The following SAMD9 variants were observed in gnomAD, a reference collection of about 807,000 sequenced individuals.
SAMD9 encodes the protein sterile alpha motif domain-containing protein 9.
A neutral mutation model predicts 1.5 loss-of-function variants in SAMD9; 3 were observed. The observed-to-expected ratio is 2.05, with a 90% CI of 0.93 to 5.29. The LOEUF (loss-of-function observed/expected upper bound fraction) is 5.29. SAMD9 is among the 30% of genes most tolerant of loss of function. SAMD9 has a pLI of 0.02. For missense variants in SAMD9, 1,597 were observed against 1,820.8 expected, an observed-to-expected ratio of 0.88 and a Z score of 2.24; for synonymous variants, 635 against 631.9, an observed-to-expected ratio of 1.00 and a Z score of -0.07.
rs1251931171 is a variant in SAMD9, at chr7:93,104,336, C to G, written c.1762G>C (p.Asp588His). The stretch of plus-strand genomic sequence containing the variant: ...TTTATTAATCTTGCTTCAAGTAGAT[C>G]TTTCCATCCCTGAAATATGTGTGGG... ...VHPHIFQGWK[D>H]LLEARLIKHQ... is the part of the protein sequence containing the mutation. Residue 588 changes from aspartate (D) to histidine (H), a missense_variant, in exon 3 of 3, where the codon GAT becomes CAT. Around this residue, in one of 6 missense-constraint regions of SAMD9, gnomAD observed 358 missense variants for 460.4 expected, o/e 0.78. Coordinates refer to ENST00000379958, the MANE Select transcript of SAMD9 (RefSeq NM_017654.4). The G allele has an allele frequency of 6.2e-7, 1 of 1,613,740 alleles. No individual in the cohort carries two copies. The highest frequency in any genetic ancestry group is 8.5e-7 in the Non-Finnish European group (1 of 1,179,786).
At chr7:93,110,487 G>T (rs1464028116) in intron 2 of SAMD9, among the ~76,000 whole-genome samples, 4 of 152,174 alleles carry the variant, frequency 2.6e-5, no homozygotes. Context: ...TGGGCTAAAT[G>T]CTCCAATTAA....
chr7:93,109,839 C>A (rs1035522650), intron 2 of SAMD9, among the ~76,000 whole-genome samples: 1 of 152,134 alleles, frequency 6.6e-6, no homozygotes. Flanking sequence ...GATTTGTGTA[C>A]CTGAAAGTGA....
chr7:93,107,287 C>A (rs1240053222), intron 2 of SAMD9, among the ~76,000 whole-genome samples: 1 of 152,132 alleles, frequency 6.6e-6, no homozygotes, highest in Non-Finnish European at 1.5e-5. Flanking sequence ...TGTTCCATGT[C>A]ATCTGGAATA....
intron 2 of SAMD9, among the ~76,000 whole-genome samples, chr7:93,109,203 C>T (rs867419518): frequency 5.9e-5 from 9 of 152,120 alleles, no homozygotes; most frequent in African/African-American, 1.9e-4. Flanking sequence ...TGGAGTGGAC[C>T]TCCAGCAAAC....
Position 93,114,793 on chromosome 7 carries a change from A to G in SAMD9, c.-9+2T>C, listed in dbSNP as rs1311158691. 2 of 152,252 alleles carry G rather than the reference A, an allele frequency of 1.3e-5. No individual in the cohort carries two copies. The highest frequency in any genetic ancestry group is 2.9e-5 in the Non-Finnish European group (2 of 68,044). The allele number at this position is 152,252 out of a possible 1,614,324, so 9.4% of individuals were successfully genotyped here. A position where few individuals can be genotyped will look rare whatever the true frequency, so the allele number is the denominator to read the frequency against. On this transcript the variant is annotated splice_donor_variant, in intron 2 of 2. Transcript: ENST00000379958. LOFTEE classifies it low-confidence loss of function (5UTR_SPLICE). The stretch of plus-strand genomic sequence containing the variant: ...AGCAAATTCTTAAAAAATATAGCTT[A>G]CCAAACTGACTCTAGAAGAAACCGA...
intron 1 of SAMD9, among the ~76,000 whole-genome samples, chr7:93,115,440 G>C (rs1791817902): frequency 6.6e-6 from 1 of 152,166 alleles, no homozygotes; most frequent in Non-Finnish European, 1.5e-5. Flanking sequence ...AAAGAAGCCA[G>C]TTACAACAGA....
At position 93,105,448 on chromosome 7, in the gene SAMD9, T is replaced by C; in HGVS notation, c.650A>G (p.Asn217Ser). The C allele has an allele frequency of 6.2e-7, 1 of 1,614,054 alleles. No individual in the cohort carries two copies. Among genetic ancestry groups the C allele is most frequent in the South Asian group, 1.1e-5 (1 of 91,078 alleles). Residue 217 changes from asparagine (N) to serine (S), a missense_variant, in exon 3 of 3, where the codon AAT (asparagine) becomes AGT (serine). This residue lies in a region of SAMD9 where 498 missense variants were observed against 457.4 expected (regional missense o/e 1.09). Transcript: ENST00000379958. ...AGCTGAAGCAAATCGGAAAACCTCATTGCTAAATTTCATCTTGACATCCTC... is the reference window on the plus strand; with the variant it reads ...AGCTGAAGCAAATCGGAAAACCTCACTGCTAAATTTCATCTTGACATCCTC... ...TEEDVKMKFS[N>S]EVFRFASACM...
chr7:93,101,982 G>A lies in SAMD9; in HGVS notation c.4116C>T (p.Leu1372=), dbSNP rs760067269. The A allele has an allele frequency of 4.3e-6, 7 of 1,613,628 alleles. No homozygotes were observed. The East Asian group carries it at 1.6e-4, about 36-fold the overall frequency. ...GGATTTTGACAGTGCATTGTTCTAA[G>A]AGAAAAGTATATTCGTTCACTATAC... is the stretch of plus-strand genomic sequence containing the variant. ...MKCIVNEYTF[L]LEQCTVKIQS... is the part of the protein sequence containing the mutation. Residue 1372 remains leucine (L), a synonymous_variant, in exon 3 of 3, where the codon CTC becomes CTT. Coordinates refer to ENST00000379958, the MANE Select transcript of SAMD9 (RefSeq NM_017654.4).
rs1791505776 is a variant in SAMD9, at chr7:93,100,287, T to G, written c.*1041A>C. 1 of 152,176 alleles carries G rather than the reference T, an allele frequency of 6.6e-6. No individual in the cohort carries two copies. Among genetic ancestry groups the G allele is most frequent in the Admixed American group, 6.5e-5 (1 of 15,278 alleles). The allele number at this position is 152,176 out of a possible 1,614,324, so 9.4% of individuals were successfully genotyped here. The stretch of plus-strand genomic sequence containing the variant: ...GAGACCTGATCAAATTCAGGTTTAA[T>G]TATTTGGCAAGACCATGTCACGGGT... On this transcript the variant is annotated 3_prime_UTR_variant, in exon 3 of 3. Coordinates refer to ENST00000379958, the MANE Select transcript of SAMD9 (RefSeq NM_017654.4).
At chr7:93,110,944 C>G (rs979480425) in intron 2 of SAMD9, among the ~76,000 whole-genome samples, 26 of 152,332 alleles carry the variant, frequency 1.7e-4, no homozygotes, top group Admixed American at 1.4e-3. Flanking sequence ...CTCAGCTCTG[C>G]ACCAAGTGGA....
Position 93,104,468 on chromosome 7 carries a change from G to C in SAMD9, c.1630C>G (p.Leu544Val). 2 of 1,613,980 alleles carry C rather than the reference G, an allele frequency of 1.2e-6. No individual in the cohort carries two copies. The highest frequency in any genetic ancestry group is 1.1e-5 in the South Asian group (1 of 91,082). ...MPRGKFLVVF[L>V]LLSSVDDPRD... ...GGGTCATCCACAGAGGACAGTAATA[G>C]AAATACCACCAAAAACTTCCCTCTT... The change falls in exon 3 of 3, where the codon CTA becomes GTA. Residue 544 changes from leucine (L) to valine (V), a missense_variant. By Grantham distance (32) the Leu-to-Val change is conservative (BLOSUM62 1). This residue lies in a region of SAMD9 where 358 missense variants were observed against 460.4 expected (regional missense o/e 0.78). Transcript: ENST00000379958.
chr7:93,101,745 T>C lies in SAMD9; in HGVS notation c.4353A>G (p.Glu1451=). The C allele has an allele frequency of 6.2e-7, 1 of 1,613,914 alleles. No homozygotes were observed. The highest frequency in any genetic ancestry group is 8.5e-7 in the Non-Finnish European group (1 of 1,179,808). Residue 1451 remains glutamate, a synonymous_variant, in exon 3 of 3, where the codon GAA becomes GAG. Transcript: ENST00000379958. Reference sequence around the variant, plus strand: ...GTGCTTGAGCATACTCTTTCATTTGTTCAGAATGTTGATCTAGTTGTTGAT... The same window carrying C: ...GTGCTTGAGCATACTCTTTCATTTGCTCAGAATGTTGATCTAGTTGTTGAT... ...PENQQLDQHS[E]QMKEYAQALK... is the part of the protein sequence containing the mutation.
Position 93,104,939 on chromosome 7 carries a change from T to G in SAMD9, c.1159A>C (p.Lys387Gln). ...EEKFRAKTNK[K>Q]EREGPKLVKL... ...ACCAACTTTGGTCCCTCTCTTTCTT[T>G]TTTATTTGTTTTTGCTCTGAATTTT... The change falls in exon 3 of 3, where the codon AAA (lysine) becomes CAA (glutamine). Residue 387 changes from lysine (K) to glutamine (Q), a missense_variant. By Grantham distance (53) the Lys-to-Gln change is moderately conservative. This residue lies in a region of SAMD9 where 498 missense variants were observed against 457.4 expected (regional missense o/e 1.09). Coordinates refer to ENST00000379958, the MANE Select transcript of SAMD9 (RefSeq NM_017654.4). 1 of 1,610,742 alleles carries G rather than the reference T, an allele frequency of 6.2e-7. No homozygotes were observed. The highest frequency in any genetic ancestry group is 8.5e-7 in the Non-Finnish European group (1 of 1,179,018).
chr7:93,104,422 G>T lies in SAMD9; in HGVS notation c.1676C>A (p.Thr559Asn). The change falls in exon 3 of 3, where the codon ACT becomes AAT. Residue 559 changes from threonine to asparagine, a missense_variant. By Grantham distance (65) the Thr-to-Asn change is moderately conservative (BLOSUM62 0). Transcript: ENST00000379958. ...GAGATCCTGGTAGAAAGCACAGAAA[G>T]TCTCAATGAGGGGATCTCTTGGGTC... ...VDDPRDPLIE[T>N]FCAFYQDLKG... 6.2e-7 allele frequency: 1 copy of T among 1,613,936 alleles called. No homozygotes were observed. The highest frequency in any genetic ancestry group is 2.2e-5 in the East Asian group (1 of 44,868).
rs1426492394 is a variant in SAMD9, at chr7:93,103,207, G to C, written c.2891C>G (p.Ser964Cys). ...EKFEDKMGTY[S>C]TILIKTEVIE... ...GACCTCTGTTTTTATCAGAATTGTA[G>C]AGTAGGTGCCCATCTTGTCTTCAAA... The change falls in exon 3 of 3, where the codon TCT becomes TGT. Residue 964 changes from serine (S) to cysteine (C), a missense_variant. Ser to Cys is a moderately radical substitution (Grantham distance 112, BLOSUM62 -1). Transcript: ENST00000379958. 6.2e-7 allele frequency: 1 copy of C among 1,613,656 alleles called. No homozygotes were observed. Among genetic ancestry groups the C allele is most frequent in the Middle Eastern group, 1.6e-4 (1 of 6,084 alleles).
chr7:93,104,608 C>T lies in SAMD9; in HGVS notation c.1490G>A (p.Arg497Lys), dbSNP rs1199630602. 6.2e-7 allele frequency: 1 copy of T among 1,614,036 alleles called. No homozygotes were observed. The highest frequency in any genetic ancestry group is 1.7e-5 in the Admixed American group (1 of 60,026). ...HQPSWIFCNG[R>K]LDLDSEKYKP... ...ATATTTTTCACTGTCAAGGTCTAAC[C>T]TGCCATTGCAGAAAATCCAGCTGGG... Residue 497 changes from arginine (R) to lysine (K), a missense_variant, in exon 3 of 3, where the codon AGG becomes AAG. Coordinates refer to ENST00000379958, the MANE Select transcript of SAMD9 (RefSeq NM_017654.4).
At chr7:93,111,507 A>G (rs1326387992) in intron 2 of SAMD9, among the ~76,000 whole-genome samples, 1 of 152,204 alleles carries the variant, frequency 6.6e-6, no homozygotes, top group African/African-American at 2.4e-5. Flanking sequence ...AAAAAAATCA[A>G]TGAATCCAGG....
rs747139029 is a variant in SAMD9 at position 93,103,084 on chromosome 7, C to G, written c.3014G>C (p.Ser1005Thr). The G allele has an allele frequency of 9.9e-6, 16 of 1,613,818 alleles. No homozygotes were observed. Among genetic ancestry groups the G allele is most frequent in the Non-Finnish European group, 1.4e-5 (16 of 1,179,764 alleles). Reference protein sequence around the residue: ...ELKKSYHLNKSQIMLDMLTEN... With the variant: ...ELKKSYHLNKTQIMLDMLTEN... ...AGTTAGCATATCCAACATAATTTGA[C>G]TTTTATTCAGGTGATAGCTTTTCTT... The change falls in exon 3 of 3, where the codon AGT (serine) becomes ACT (threonine). Residue 1005 changes from serine (S) to threonine (T), a missense_variant. Transcript: ENST00000379958.
rs777968031 is a variant in SAMD9 at position 93,103,348 on chromosome 7, A to C, written c.2750T>G (p.Leu917Arg). ...GQNIFTKEAK[L>R]FSFLALLNSY... is the part of the protein sequence containing the mutation. ...ATTAAGAAGAGCCAGAAAAGAAAAGAGCTTTGCTTCCTTGGTGAAAATATT... is the reference window on the plus strand; with the variant it reads ...ATTAAGAAGAGCCAGAAAAGAAAAGCGCTTTGCTTCCTTGGTGAAAATATT... Residue 917 changes from leucine to arginine, a missense_variant, in exon 3 of 3, where the codon CTC (leucine) becomes CGC (arginine). Around this residue, in one of 6 missense-constraint regions of SAMD9, gnomAD observed 682 missense variants for 810.0 expected, o/e 0.84. Transcript: ENST00000379958. The C allele has an allele frequency of 6.2e-7, 1 of 1,613,516 alleles. No individual in the cohort carries two copies. The highest frequency in any genetic ancestry group is 1.3e-5 in the African/African-American group (1 of 75,038).
Sources: gnomAD v4.1 joint callset for allele counts (sites outside exome capture counted in the v4.1 genomes callset) on GRCh38, gnomAD v4.1.1 for gene constraint, gnomAD v4.1.1 regional missense constraint, MANE v1.5 for transcripts, NCBI Gene and HGNC (gene_info 2026-07-23, HGNC 2026-07-21) for gene names.